CLEC16A: variants seen among roughly 807,000 people sequenced by gnomAD.
The protein encoded by CLEC16A is C-type lectin domain containing 16A.
CLEC16A carries 51 observed loss-of-function variants against 109.5 expected under a neutral mutation model. The ratio of observed to expected loss-of-function variants is 0.47; its 90% CI spans 0.37 to 0.59. The LOEUF is 0.59. CLEC16A is among the 20% of genes least tolerant of loss of function. CLEC16A has a pLI of 0.00. For missense variants in CLEC16A, 1,339 were observed against 1,394.0 expected (o/e 0.96, Z 0.63); for synonymous variants, 673 against 564.2 (o/e 1.19, Z -2.73).
chr16:11,146,956 G>T (rs2054086315), intron 22 of CLEC16A, among the ~76,000 whole-genome samples: 1 of 152,084 alleles, frequency 6.6e-6, no homozygotes. Context: ...TGCCCTCAGG[G>T]AACTGGCAGA....
intron 22 of CLEC16A, among the ~76,000 whole-genome samples, chr16:11,156,000 G>A (rs947257457): frequency 2.6e-5 from 4 of 152,150 alleles, no homozygotes; most frequent in African/African-American, 4.8e-5. Context: ...CACACTGTAC[G>A]GCCTCCCTGC....
intron 19 of CLEC16A, among the ~76,000 whole-genome samples, chr16:11,113,389 C>G (rs1250649007): frequency 6.6e-6 from 1 of 152,104 alleles, no homozygotes; most frequent in Non-Finnish European, 1.5e-5. Context: ...TGTGTAGAAA[C>G]TAAAATCGGC....
chr16:11,172,595 A>G (rs2068568144), intron 23 of CLEC16A, among the ~76,000 whole-genome samples: 1 of 152,168 alleles, frequency 6.6e-6, no homozygotes, highest in Admixed American at 6.5e-5. Context: ...TTCATTTTTA[A>G]AAAACAAAAA....
chr16:10,971,355 G>A, intron 5 of CLEC16A, 125 bp downstream of exon 5: 1 of 814,220 alleles, frequency 1.2e-6, no homozygotes, highest in Non-Finnish European at 1.9e-6. Flanking sequence ...AGCCGTGGCA[G>A]CTTCTCTCAT....
chr16:11,123,975 C>A, intron 21 of CLEC16A, 29 bp downstream of exon 21: 1 of 1,564,532 alleles, frequency 6.4e-7, no homozygotes, highest in South Asian at 1.2e-5. Context: ...GCAGGGCATC[C>A]TCTGAGCACT....
intron 13 of CLEC16A, among the ~76,000 whole-genome samples, chr16:11,032,105 G>A (rs546106314): frequency 1.1e-4 from 17 of 152,204 alleles, no homozygotes; most frequent in African/African-American, 2.7e-4. Flanking sequence ...GACTCTGCCC[G>A]CAGGAGTGAG....
chr16:11,062,402 T>C (rs2048531109), intron 19 of CLEC16A, among the ~76,000 whole-genome samples: 2 of 152,360 alleles, frequency 1.3e-5, no homozygotes, highest in South Asian at 4.1e-4. Context: ...CCCTGCTTTG[T>C]ATTCCCTTGA....
intron 22 of CLEC16A, among the ~76,000 whole-genome samples, chr16:11,135,635 G>A (rs1361145895): frequency 6.6e-6 from 1 of 152,240 alleles, no homozygotes; most frequent in African/African-American, 2.4e-5. Flanking sequence ...TGTGTCAGAT[G>A]GCAGGGAACA....
At chr16:10,990,356 A>G (rs1282520424) in intron 10 of CLEC16A, among the ~76,000 whole-genome samples, 1 of 152,248 alleles carries the variant, frequency 6.6e-6, no homozygotes, top group Non-Finnish European at 1.5e-5. Flanking sequence ...GAGGTCCGGT[A>G]CTAAGGAGCG....
chr16:10,946,804 C>T (rs546978612), intron 1 of CLEC16A, among the ~76,000 whole-genome samples: 20 of 152,318 alleles, frequency 1.3e-4, no homozygotes, highest in African/African-American at 4.8e-4. Flanking sequence ...GTTACAGGAA[C>T]CATTATTGTT....
chr16:11,099,521 C>T (rs1265988157), intron 19 of CLEC16A, among the ~76,000 whole-genome samples: 3 of 152,238 alleles, frequency 2.0e-5, no homozygotes, highest in East Asian at 3.8e-4. Flanking sequence ...ACAGCATGGT[C>T]GTAGGACATT....
At chr16:11,156,990 C>T in intron 22 of CLEC16A, 8 of 1,115,900 alleles carry the variant, frequency 7.2e-6, no homozygotes, top group Non-Finnish European at 9.5e-6. Context: ...GGCAGACCTT[C>T]ACCCGACAGC....
chr16:10,952,448 C>G, intron 1 of CLEC16A, among the ~76,000 whole-genome samples: 1 of 152,196 alleles, frequency 6.6e-6, no homozygotes, highest in East Asian at 1.9e-4. Context: ...GAGCCAAGAT[C>G]ACGCCACTGC....
At chr16:10,967,931 C>T (rs2042589536) in intron 3 of CLEC16A, among the ~76,000 whole-genome samples, 1 of 146,150 alleles carries the variant, frequency 6.8e-6, no homozygotes, top group African/African-American at 2.6e-5. Context: ...CCTGGAGATT[C>T]TGACTCCGTG....
At chr16:11,160,580 C>T (rs1181398176) in intron 22 of CLEC16A, among the ~76,000 whole-genome samples, 1 of 152,096 alleles carries the variant, frequency 6.6e-6, no homozygotes. Context: ...GCTTTTTCTG[C>T]ACCAAAAACT....
chr16:11,155,175 C>T (rs1410466883), intron 22 of CLEC16A, among the ~76,000 whole-genome samples: 1 of 152,122 alleles, frequency 6.6e-6, no homozygotes, highest in African/African-American at 2.4e-5. Flanking sequence ...GCCCAAGTTC[C>T]AGGCACCGTA....
chr16:11,135,977 A>G (rs183623182), intron 22 of CLEC16A: 1 of 152,208 alleles, frequency 6.6e-6, no homozygotes, highest in East Asian at 1.9e-4. Context: ...GAACTTACCA[A>G]ATCTTCCCAC....
chr16:11,167,833 C>T (rs974175265), intron 23 of CLEC16A, among the ~76,000 whole-genome samples: 11 of 152,214 alleles, frequency 7.2e-5, no homozygotes, highest in Non-Finnish European at 1.6e-4. Flanking sequence ...GATGCCACCC[C>T]TGTTGCCAGG....
In CLEC16A at chr16:11,060,984, A is replaced by C. The variant is rs1205089587; in HGVS notation, c.2078A>C (p.Glu693Ala). ...GAGACACAGTTGCCGCTGACTCGGG[A>C]GGAGGACCTGATCAAGACTGATGAT... ...EPETQLPLTR[E>A]EDLIKTDDVL... Residue 693 changes from glutamate to alanine, a missense_variant, in exon 19 of 24, where the codon GAG becomes GCG. Coordinates refer to ENST00000409790, the MANE Select transcript of CLEC16A (RefSeq NM_015226.3). 5.6e-6 allele frequency: 9 copies of C among 1,612,038 alleles called. No individual in the cohort carries two copies. The Admixed American group carries it at 1.5e-4, about 27-fold the overall frequency.
Sources: gnomAD v4.1 joint callset for allele counts (sites outside exome capture counted in the v4.1 genomes callset) on GRCh38, gnomAD v4.1.1 for gene constraint, MANE v1.5 for transcripts, NCBI Gene and HGNC (gene_info 2026-07-23, HGNC 2026-07-21) for gene names.